GRIA3: variants seen among roughly 807,000 people sequenced by gnomAD.
GRIA3 encodes glutamate receptor 3.
GRIA3 carries 3 observed loss-of-function variants against 63.0 expected under a neutral mutation model. The ratio of observed to expected loss-of-function variants is 0.05; its 90% CI spans 0.02 to 0.12. The LOEUF (loss-of-function observed/expected upper bound fraction) is 0.12, where lower values mean the gene tolerates loss of function less well. Among genes scored for constraint, GRIA3 ranks in the 10% least tolerant of loss-of-function variants. GRIA3 has a pLI of 1.00. For synonymous variants in GRIA3, 274 were observed against 257.9 expected (o/e 1.06, Z -0.60); for missense variants, 347 against 700.9 (o/e 0.50, Z 5.70).
At chrX:123,458,472 T>C (rs2045774448) in intron 12 of GRIA3, among the ~76,000 whole-genome samples, 2 of 111,124 alleles carry the variant, frequency 1.8e-5, no homozygotes, top group South Asian at 7.7e-4. Flanking sequence ...TGGAATAAGC[T>C]ACTTCCTATG....
chrX:123,316,658 T>C (rs11797610), intron 3 of GRIA3, among the ~76,000 whole-genome samples: 22,646 of 111,773 alleles, frequency 0.2, 1,789 homozygotes, highest in African/African-American at 0.23. Context: ...AAATAAGTTA[T>C]AGTATGTCTA....
intron 2 of GRIA3, among the ~76,000 whole-genome samples, chrX:123,247,939 C>T (rs1468764562): frequency 1.8e-5 from 2 of 111,048 alleles, no homozygotes; most frequent in Non-Finnish European, 3.8e-5. Context: ...TTGTATTTTC[C>T]CCTCACTAGT....
chrX:123,368,345 G>A (rs1165430142), intron 5 of GRIA3, among the ~76,000 whole-genome samples: 1 of 111,774 alleles, frequency 8.9e-6, no homozygotes, highest in Non-Finnish European at 1.9e-5. Context: ...ACAGCTGGCA[G>A]GCAGACAGGT....
intron 12 of GRIA3, among the ~76,000 whole-genome samples, chrX:123,454,235 G>A (rs1434963873): frequency 9.0e-6 from 1 of 110,945 alleles, no homozygotes; most frequent in Non-Finnish European, 1.9e-5. Flanking sequence ...AGACTCTGGA[G>A]CCTGAATGAG....
chrX:123,424,106 A>G (rs1190034475), intron 11 of GRIA3, among the ~76,000 whole-genome samples: 1 of 112,174 alleles, frequency 8.9e-6, no homozygotes, highest in Admixed American at 9.5e-5. Context: ...TAACCTTGAA[A>G]TCTGTCTTGT....
At chrX:123,485,647 T>C (rs2045936175) in intron 15 of GRIA3, among the ~76,000 whole-genome samples, 1 of 111,445 alleles carries the variant, frequency 9.0e-6, no homozygotes, top group African/African-American at 3.3e-5. Flanking sequence ...CCACACAAGA[T>C]TGAATATTCA....
intron 3 of GRIA3, among the ~76,000 whole-genome samples, chrX:123,314,075 T>C (rs974506216): frequency 9.0e-6 from 1 of 111,424 alleles, no homozygotes; most frequent in African/African-American, 3.3e-5. Flanking sequence ...GGCAAGTGCA[T>C]TCTCTGGTTG....
chrX:123,251,873 A>G (rs1421438924), intron 2 of GRIA3, among the ~76,000 whole-genome samples: 1 of 112,142 alleles, frequency 8.9e-6, no homozygotes, highest in Non-Finnish European at 1.9e-5. Flanking sequence ...CCTCAAGCCA[A>G]TGGCTAATGA....
At chrX:123,227,074 T>G (rs1334483623) in intron 2 of GRIA3, among the ~76,000 whole-genome samples, 1 of 112,004 alleles carries the variant, frequency 8.9e-6, no homozygotes, top group Non-Finnish European at 1.9e-5. Flanking sequence ...CTTCTGCACC[T>G]CTTGAAAACC....
intron 13 of GRIA3, among the ~76,000 whole-genome samples, chrX:123,473,249 A>T (rs1199585118): frequency 8.9e-6 from 1 of 112,510 alleles, no homozygotes; most frequent in Non-Finnish European, 1.9e-5. Flanking sequence ...GACTTCAGAC[A>T]CTGGTGTACT....
chrX:123,370,605 T>C (rs1359551561), intron 5 of GRIA3, among the ~76,000 whole-genome samples: 1 of 111,701 alleles, frequency 9.0e-6, no homozygotes, highest in Non-Finnish European at 1.9e-5. Flanking sequence ...GAGATTTCAG[T>C]GGGGCTTGGG....
intron 3 of GRIA3, among the ~76,000 whole-genome samples, chrX:123,257,850 G>T (rs1273372654): frequency 1.8e-5 from 2 of 111,316 alleles, no homozygotes; most frequent in African/African-American, 3.3e-5. Flanking sequence ...CCAGGGTAAA[G>T]TTTTCTCTGA....
At chrX:123,187,927 G>A in intron 2 of GRIA3, among the ~76,000 whole-genome samples, 1 of 111,734 alleles carries the variant, frequency 8.9e-6, no homozygotes, top group East Asian at 2.8e-4. Flanking sequence ...AGGGCAATAA[G>A]AGAACAACCA....
intron 3 of GRIA3, among the ~76,000 whole-genome samples, chrX:123,306,463 G>C (rs980933913): frequency 8.9e-6 from 1 of 112,031 alleles, no homozygotes; most frequent in Non-Finnish European, 1.9e-5. Flanking sequence ...TACATTGGAA[G>C]CAGGGTTGAT....
At chrX:123,375,331 A>G (rs1297267655) in intron 5 of GRIA3, among the ~76,000 whole-genome samples, 2 of 112,041 alleles carry the variant, frequency 1.8e-5, no homozygotes, top group Non-Finnish European at 3.8e-5. Context: ...TGTTGAATTC[A>G]GTTTGCTGGT....
chrX:123,328,634 C>T (rs1171594610), intron 4 of GRIA3, among the ~76,000 whole-genome samples: 1 of 112,001 alleles, frequency 8.9e-6, no homozygotes, highest in East Asian at 2.8e-4. Flanking sequence ...ACTATTATAT[C>T]TCCAGTGTCC....
At position 123,450,473 on chromosome X, in the gene GRIA3, C is replaced by T. The variant is rs995265071; in HGVS notation, c.2077-14392C>T. 2.7e-5 allele frequency among the ~76,000 whole-genome samples: 3 copies of T among 112,632 alleles called. No individual in the cohort carries two copies. The Admixed American group carries it at 2.8e-4, about 11-fold the overall frequency. Reference sequence around the variant, plus strand: ...AAGCCAGCACACCTGGATTTGAATACTAATTCTGTCCCCCTGCATCTATGC... The same window carrying T: ...AAGCCAGCACACCTGGATTTGAATATTAATTCTGTCCCCCTGCATCTATGC... On this transcript the variant is annotated intron_variant, in intron 12 of 15. Coordinates refer to ENST00000620443, the MANE Select transcript of GRIA3 (RefSeq NM_007325.5).
intron 10 of GRIA3, among the ~76,000 whole-genome samples, chrX:123,409,296 A>G (rs960447004): frequency 8.9e-6 from 1 of 112,281 alleles, no homozygotes; most frequent in African/African-American, 3.2e-5. Flanking sequence ...TCTGCAAGGG[A>G]GATTTCAGTG....
chrX:123,376,259 GA>G (rs981395299), intron 5 of GRIA3, among the ~76,000 whole-genome samples: 7 of 107,727 alleles, frequency 6.5e-5, no homozygotes, highest in Non-Finnish European at 1.2e-4. Flanking sequence ...ATATGTGACA[GA>G]AAAAAAAACA....
Sources: allele counts gnomAD v4.1 joint callset (sites outside exome capture counted in the v4.1 genomes callset), GRCh38; gene constraint gnomAD v4.1.1; transcripts MANE v1.5; gene names NCBI Gene and HGNC (gene_info 2026-07-23, HGNC 2026-07-21).